RNF111: variants seen among roughly 807,000 people sequenced by gnomAD.
RNF111 encodes the protein E3 ubiquitin-protein ligase Arkadia.
RNF111 carries 17 observed loss-of-function variants against 95.1 expected under a neutral mutation model. That is an observed-to-expected ratio of 0.18 (90% CI 0.12 to 0.27). RNF111 has a LOEUF of 0.27. Ranked by LOEUF, RNF111 falls within the 10% of genes least tolerant of loss-of-function variation. The pLI, the probability that RNF111 is intolerant of heterozygous loss-of-function variation, is 1.00. For missense variants in RNF111, 1,189 were observed against 1,210.4 expected (o/e 0.98, Z 0.26); for synonymous variants, 440 against 414.8 (o/e 1.06, Z -0.74).
At chr15:59,064,429 G>A (rs946748293) in intron 5 of RNF111, among the ~76,000 whole-genome samples, 6 of 151,394 alleles carry the variant, frequency 4.0e-5, no homozygotes, top group East Asian at 1.9e-4. Flanking sequence ...CCAGCTACTC[G>A]GGAGGCTGAG....
intron 1 of RNF111, among the ~76,000 whole-genome samples, chr15:59,007,339 C>A (rs2039588173): frequency 6.6e-6 from 1 of 151,008 alleles, no homozygotes; most frequent in South Asian, 2.1e-4. Context: ...CATACCGATA[C>A]TTTGTGTCTA....
chr15:59,073,949 C>T (rs1042839901), intron 6 of RNF111, among the ~76,000 whole-genome samples: 1 of 152,216 alleles, frequency 6.6e-6, no homozygotes, highest in Non-Finnish European at 1.5e-5. Context: ...TCTACTTATA[C>T]ATCATCAGAG....
intron 1 of RNF111, among the ~76,000 whole-genome samples, chr15:59,024,442 A>G (rs2040501030): frequency 7.5e-6 from 1 of 133,622 alleles, no homozygotes; most frequent in Non-Finnish European, 1.6e-5. Context: ...TGTGTAATAA[A>G]TAGGCTAGCA....
chr15:59,005,666 C>T (rs796597118), intron 1 of RNF111, among the ~76,000 whole-genome samples: 77 of 151,522 alleles, frequency 5.1e-4, no homozygotes, highest in African/African-American at 1.7e-3. Context: ...GGATTGAAGT[C>T]GTACCAAAAA....
chr15:59,096,088 C>T lies in RNF111; in HGVS notation c.*1188C>T. 2 of 398,536 alleles carry T rather than the reference C, an allele frequency of 5.0e-6. No homozygotes were observed. The highest frequency in any genetic ancestry group is 8.9e-6 in the Non-Finnish European group (2 of 225,812). The allele number at this position is 398,536 out of a possible 1,614,324, so 24.7% of individuals were successfully genotyped here. On this transcript the variant is annotated 3_prime_UTR_variant, in exon 14 of 14. Coordinates refer to ENST00000348370, the MANE Select transcript of RNF111 (RefSeq NM_017610.8). ...TCCCACTTCATACATTACCAAGAGT[C>T]GATCACTGATTTAAAATTTTTAATT...
Position 59,019,105 on chromosome 15 carries a change from ATT to A in RNF111, c.-19-11683_-19-11682del, listed in dbSNP as rs35154303. 1.0e-3 allele frequency among the ~76,000 whole-genome samples: 126 copies of A among 121,226 alleles called. 1 individual carries two copies. Among genetic ancestry groups the A allele is most frequent in the African/African-American group, 2.9e-3 (92 of 32,034 alleles). The allele number at this position is 121,226 out of a possible 152,430, so 79.5% of individuals were successfully genotyped here. A position where few individuals can be genotyped will look rare whatever the true frequency, so the allele number is the denominator to read the frequency against. ...CCCTGGCTAATTTTTGTATTTTTGT[ATT>A]TTTTTTTTTTTTTTTGTAGAGGTGA... On this transcript the variant is annotated intron_variant, in intron 1 of 13. Coordinates refer to ENST00000348370, the MANE Select transcript of RNF111 (RefSeq NM_017610.8).
chr15:59,041,385 C>G (rs1306196921), intron 2 of RNF111, among the ~76,000 whole-genome samples: 3 of 152,130 alleles, frequency 2.0e-5, no homozygotes, highest in African/African-American at 7.2e-5. Flanking sequence ...GAAACTCTGT[C>G]TCTACCAAAA....
intron 6 of RNF111, among the ~76,000 whole-genome samples, chr15:59,075,752 C>A (rs1332527427): frequency 1.3e-5 from 2 of 152,178 alleles, no homozygotes; most frequent in South Asian, 2.1e-4. Flanking sequence ...CTACAGTTTT[C>A]ACAATCCAGG....
chr15:58,995,465 G>T (rs957454085), intron 1 of RNF111, among the ~76,000 whole-genome samples: 32 of 146,448 alleles, frequency 2.2e-4, no homozygotes, highest in Non-Finnish European at 4.0e-4. Context: ...ATAACCTCTT[G>T]TTTTTTTTTT....
At chr15:59,091,431 AT>A (rs2079049434) in intron 12 of RNF111, among the ~76,000 whole-genome samples, 1 of 152,104 alleles carries the variant, frequency 6.6e-6, no homozygotes, top group South Asian at 2.1e-4. Context: ...ATGTATATAT[AT>A]TTTTGTCTAC....
chr15:59,015,239 T>A (rs1270902928), intron 1 of RNF111, among the ~76,000 whole-genome samples: 1 of 152,194 alleles, frequency 6.6e-6, no homozygotes, highest in Admixed American at 6.5e-5. Context: ...TAGAAGTCAC[T>A]TATGTTTTCC....
At chr15:59,060,593 C>G (rs1156469989) in intron 5 of RNF111, among the ~76,000 whole-genome samples, 13 of 152,060 alleles carry the variant, frequency 8.5e-5, no homozygotes, top group Admixed American at 8.5e-4. Context: ...CTCGAGGGCA[C>G]CACTACACTC....
intron 1 of RNF111, among the ~76,000 whole-genome samples, chr15:59,000,305 A>T (rs2039268809): frequency 6.6e-6 from 1 of 151,886 alleles, no homozygotes; most frequent in South Asian, 2.1e-4. Context: ...CTGGGACTAC[A>T]GGCATGTACC....
chr15:59,075,916 A>T, intron 6 of RNF111, 38 bp from the exon 7 acceptor site: 2 of 1,598,780 alleles, frequency 1.3e-6, no homozygotes, highest in Non-Finnish European at 1.7e-6. Context: ...TATTTGACCA[A>T]ACTTTAGAAA....
At chr15:59,066,111 G>C (rs2042643273) in intron 5 of RNF111, among the ~76,000 whole-genome samples, 1 of 152,088 alleles carries the variant, frequency 6.6e-6, no homozygotes, top group Non-Finnish European at 1.5e-5. Flanking sequence ...CATTTGCTTT[G>C]TAGCATGTAG....
chr15:59,089,459 G>T (rs941647684), intron 10 of RNF111, among the ~76,000 whole-genome samples: 1 of 152,180 alleles, frequency 6.6e-6, no homozygotes, highest in Admixed American at 6.5e-5. Context: ...TCAGGCTTAA[G>T]TTTGGGCATT....
intron 13 of RNF111, chr15:59,093,605 T>C (rs1021217727): frequency 7.6e-6 from 2 of 262,136 alleles, no homozygotes; most frequent in South Asian, 6.9e-5. Context: ...AAAATGTTAA[T>C]ATGTTAACCC....
At chr15:59,045,342 C>T (rs966756183) in intron 2 of RNF111, among the ~76,000 whole-genome samples, 5 of 152,062 alleles carry the variant, frequency 3.3e-5, no homozygotes, top group Non-Finnish European at 5.9e-5. Context: ...AGGCACCTGC[C>T]ACCACACCTG....
At position 58,998,739 on chromosome 15, in the gene RNF111, T is replaced by C. The variant is rs111818111; in HGVS notation, c.-20+10671T>C. Among the ~76,000 whole-genome samples the C allele has an allele frequency of 8.2e-3, 1,254 of 152,324 alleles. 21 individuals are homozygous for C. The highest frequency in any genetic ancestry group is 0.029 in the African/African-American group (1,191 of 41,566). On this transcript the variant is annotated intron_variant, in intron 1 of 13. Coordinates refer to ENST00000348370, the MANE Select transcript of RNF111 (RefSeq NM_017610.8). ...TCAAACTTTCAAGCAAAAATTAGAA[T>C]TGTGGAAAACGCCTATCAGTCACTG...
Sources: allele counts gnomAD v4.1 joint callset (sites outside exome capture counted in the v4.1 genomes callset), GRCh38; gene constraint gnomAD v4.1.1; transcripts MANE v1.5; gene names NCBI Gene and HGNC (gene_info 2026-07-23, HGNC 2026-07-21).